The following HADHB variants were observed in gnomAD, a reference collection of about 807,000 sequenced individuals.
HADHB encodes hydroxyacyl-CoA dehydrogenase trifunctional multienzyme complex subunit beta, also known as trifunctional enzyme subunit beta, mitochondrial.
In HADHB, 50 loss-of-function variants were observed where a neutral mutation model predicts 61.9. The ratio of observed to expected loss-of-function variants is 0.81; its 90% CI spans 0.64 to 1.02. The LOEUF is 1.02. Among genes scored for constraint, HADHB ranks in the 50% least tolerant of loss-of-function variants. HADHB has a pLI of 0.00. For synonymous variants in HADHB, 191 were observed against 201.6 expected, an observed-to-expected ratio of 0.95 and a Z score of 0.45; for missense variants, 504 against 586.5, an observed-to-expected ratio of 0.86 and a Z score of 1.45.
intron 3 of HADHB, chr2:26,261,047 A>G (rs538934752): frequency 8.8e-6 from 13 of 1,481,866 alleles, no homozygotes; most frequent in South Asian, 1.2e-5. Flanking sequence ...GTTGGCTCCT[A>G]TATGGATGGA....
chr2:26,257,532 C>T (rs942481386), intron 3 of HADHB, among the ~76,000 whole-genome samples: 1 of 152,078 alleles, frequency 6.6e-6, no homozygotes, highest in Non-Finnish European at 1.5e-5. Flanking sequence ...ACCTCTGTCT[C>T]CTCTGTGGCA....
intron 10 of HADHB, among the ~76,000 whole-genome samples, chr2:26,280,450 C>T (rs1489825162): frequency 1.3e-5 from 2 of 152,166 alleles, no homozygotes; most frequent in East Asian, 1.9e-4. Context: ...AGGCTTAGGT[C>T]GAACCCCTGA....
chr2:26,269,953 A>G lies in HADHB; in HGVS notation c.210A>G (p.Ser70=), dbSNP rs773870693. 1 of 1,604,196 alleles carries G rather than the reference A, an allele frequency of 6.2e-7. No homozygotes were observed. Among genetic ancestry groups the G allele is most frequent in the Non-Finnish European group, 8.5e-7 (1 of 1,170,982 alleles). Residue 70 remains serine, a splice_region_variant and synonymous_variant, in exon 5 of 16, where the codon TCA becomes TCG. Transcript: ENST00000317799. The part of the protein sequence containing the change: ...VRTPFLLSGT[S]YKDLMPHDLA... Reference sequence around the variant, plus strand: ...TAAATTACTGGTTTTCGTTCCCCAGATATAAAGACCTGATGCCACATGATT... The same window carrying G: ...TAAATTACTGGTTTTCGTTCCCCAGGTATAAAGACCTGATGCCACATGATT...
chr2:26,247,103 G>A (rs1283411803), intron 1 of HADHB, among the ~76,000 whole-genome samples: 1 of 152,136 alleles, frequency 6.6e-6, no homozygotes, highest in Non-Finnish European at 1.5e-5. Flanking sequence ...AGCTGTTAGA[G>A]CCACCCCATC....
chr2:26,280,811 C>T (rs1672755900), intron 10 of HADHB, among the ~76,000 whole-genome samples: 1 of 135,938 alleles, frequency 7.4e-6, no homozygotes, highest in South Asian at 2.4e-4. Flanking sequence ...GCCAAGATCG[C>T]ACCATTGCAC....
chr2:26,247,354 C>T (rs911716313), intron 1 of HADHB, among the ~76,000 whole-genome samples: 2 of 152,174 alleles, frequency 1.3e-5, no homozygotes, highest in African/African-American at 4.8e-5. Context: ...TGCTTAGTCC[C>T]TCTTACTTTT....
At chr2:26,270,183 T>G (rs558294179) in intron 5 of HADHB, among the ~76,000 whole-genome samples, 186 bp downstream of exon 5, 1 of 152,330 alleles carries the variant, frequency 6.6e-6, no homozygotes, top group South Asian at 2.1e-4. Flanking sequence ...TATACTTTAA[T>G]GCTACCTTAG....
intron 1 of HADHB, among the ~76,000 whole-genome samples, chr2:26,247,686 A>G (rs982986278): frequency 2.6e-5 from 4 of 152,146 alleles, no homozygotes; most frequent in South Asian, 2.1e-4. Context: ...TTTTCTCATC[A>G]TTATTCCCTA....
At chr2:26,272,657 C>T (rs1051170842) in intron 5 of HADHB, among the ~76,000 whole-genome samples, 16 of 151,960 alleles carry the variant, frequency 1.1e-4, no homozygotes, top group Non-Finnish European at 2.1e-4. Flanking sequence ...CTGATATGGT[C>T]CCATTTGTCT....
chr2:26,274,298 C>A (rs1672458047), intron 6 of HADHB, among the ~76,000 whole-genome samples: 1 of 152,190 alleles, frequency 6.6e-6, no homozygotes, highest in South Asian at 2.1e-4. Context: ...TAATGACAGG[C>A]CTTGGAACTT....
chr2:26,261,741 C>G (rs1173042277), intron 3 of HADHB: 1 of 151,978 alleles, frequency 6.6e-6, no homozygotes, highest in Non-Finnish European at 1.5e-5. Context: ...TGCCACAGCA[C>G]TCCAGCCTTG....
At position 26,249,985 on chromosome 2, in the gene HADHB, T is replaced by G. The variant is rs116094020; in HGVS notation, c.-8-4262T>G. Among the ~76,000 whole-genome samples, 119 of 152,156 alleles carry G rather than the reference T, an allele frequency of 7.8e-4. 1 individual carries two copies. Among genetic ancestry groups the G allele is most frequent in the African/African-American group, 2.7e-3 (113 of 41,534 alleles). On this transcript the variant is annotated intron_variant, in intron 1 of 15. Coordinates refer to ENST00000317799, the MANE Select transcript of HADHB (RefSeq NM_000183.3). ...ATTAGAGTACAAACTACAGATTCCA[T>G]GATAGATTGTTTCTGTTTTTCTTTT...
intron 12 of HADHB, 24 bp downstream of exon 12, chr2:26,283,075 G>C (rs748439345): frequency 1.3e-6 from 2 of 1,487,410 alleles, no homozygotes; most frequent in African/African-American, 2.8e-5. Flanking sequence ...TGTATCCTTG[G>C]ACTATAATCA....
At chr2:26,286,840 T>C (rs1673055603) in intron 15 of HADHB, among the ~76,000 whole-genome samples, 1 of 149,382 alleles carries the variant, frequency 6.7e-6, no homozygotes, top group African/African-American at 2.5e-5. Context: ...TTAATCCCGA[T>C]GTGAACAGAT....
intron 9 of HADHB, among the ~76,000 whole-genome samples, chr2:26,279,663 G>T (rs1243912940): frequency 6.6e-6 from 1 of 151,264 alleles, no homozygotes; most frequent in Non-Finnish European, 1.5e-5. Flanking sequence ...TCTCCTTTTA[G>T]ATCTTGCTGA....
chr2:26,273,548 A>C (rs1419249548), intron 5 of HADHB, 103 bp from the exon 6 acceptor site: 2 of 740,268 alleles, frequency 2.7e-6, no homozygotes, highest in Non-Finnish European at 5.0e-6. Context: ...GTCCTTTTAA[A>C]TTCAAGGCTA....
At chr2:26,289,819 A>G (rs1295112334) in intron 15 of HADHB, 99 bp from the exon 16 acceptor site, 5 of 857,014 alleles carry the variant, frequency 5.8e-6, no homozygotes, top group Non-Finnish European at 8.1e-6. Flanking sequence ...CCAGGATCCC[A>G]CTCCAAAGCC....
intron 3 of HADHB, among the ~76,000 whole-genome samples, chr2:26,255,615 C>T (rs967972265): frequency 3.9e-5 from 6 of 151,932 alleles, no homozygotes; most frequent in Non-Finnish European, 8.8e-5. Flanking sequence ...TTGAACTGGT[C>T]ACTTTACTTC....
intron 10 of HADHB, among the ~76,000 whole-genome samples, chr2:26,280,745 C>T (rs533492081): frequency 2.7e-4 from 41 of 149,694 alleles, no homozygotes; most frequent in African/African-American, 8.8e-4. Context: ...CCCGGCTACT[C>T]GGGAGGCTGA....
Sources: gnomAD v4.1 joint callset for allele counts (sites outside exome capture counted in the v4.1 genomes callset) on GRCh38, gnomAD v4.1.1 for gene constraint, MANE v1.5 for transcripts, NCBI Gene and HGNC (gene_info 2026-07-23, HGNC 2026-07-21) for gene names.